The following CNTNAP2 variants were observed in gnomAD, a reference collection of about 807,000 sequenced individuals.
CNTNAP2 encodes contactin associated protein 2.
CNTNAP2 carries 98 observed loss-of-function variants against 155.2 expected under a neutral mutation model. The observed-to-expected ratio is 0.63, with a 90% CI of 0.54 to 0.75. The LOEUF is 0.75. Among genes scored for constraint, CNTNAP2 ranks in the 30% least tolerant of loss-of-function variants. The pLI, the probability that CNTNAP2 is intolerant of heterozygous loss-of-function variation, is 0.00. For missense variants in CNTNAP2, 1,727 were observed against 1,688.1 expected (o/e 1.02, Z -0.40); for synonymous variants, 651 against 631.2 (o/e 1.03, Z -0.47).
intron 13 of CNTNAP2, among the ~76,000 whole-genome samples, chr7:147,662,998 T>C (rs183054677): frequency 0.027 from 4,105 of 152,236 alleles, 79 homozygotes; most frequent in Middle Eastern, 0.11. Context: ...TTTGTTTGTT[T>C]GTTTGTTTGT....
At chr7:146,488,790 G>A (rs762713369) in intron 1 of CNTNAP2, among the ~76,000 whole-genome samples, 5 of 152,076 alleles carry the variant, frequency 3.3e-5, no homozygotes, top group African/African-American at 7.2e-5. Flanking sequence ...CACCACGCCT[G>A]GCTAGTTTTT....
chr7:148,404,524 T>C (rs1021383826), intron 22 of CNTNAP2, among the ~76,000 whole-genome samples: 2 of 152,168 alleles, frequency 1.3e-5, no homozygotes, highest in Admixed American at 6.5e-5. Context: ...CTCAAACCTT[T>C]TGCGGGACGG....
intron 14 of CNTNAP2, among the ~76,000 whole-genome samples, chr7:147,912,272 C>T (rs143836131): frequency 4.9e-4 from 75 of 152,268 alleles, no homozygotes; most frequent in East Asian, 2.3e-3. Context: ...CAATTACACC[C>T]AAGCACACAC....
At chr7:148,346,370 C>T (rs1444415952) in intron 21 of CNTNAP2, among the ~76,000 whole-genome samples, 3 of 152,056 alleles carry the variant, frequency 2.0e-5, no homozygotes, top group East Asian at 1.9e-4. Context: ...TATGATTACC[C>T]GTAACACATT....
chr7:148,063,708 T>G (rs1250823880), intron 15 of CNTNAP2, among the ~76,000 whole-genome samples: 2 of 152,026 alleles, frequency 1.3e-5, no homozygotes, highest in African/African-American at 4.8e-5. Context: ...TTACTTCTTT[T>G]GAGGTACAGA....
chr7:146,234,012 C>G lies in CNTNAP2; in HGVS notation c.97+117039C>G, dbSNP rs574447208. On this transcript the variant is annotated intron_variant, in intron 1 of 23. Coordinates refer to ENST00000361727, the MANE Select transcript of CNTNAP2 (RefSeq NM_014141.6). ...GGGATGGCTGGGTCAAATGGTATTT[C>G]TAGTTCTAGATCCCTGAGGAATCGC... Among the ~76,000 whole-genome samples the G allele has an allele frequency of 5.3e-3, 792 of 150,498 alleles. 6 individuals carry two copies. The highest frequency in any genetic ancestry group is 0.018 in the African/African-American group (748 of 41,010).
chr7:146,699,012 T>C (rs1228582075), intron 1 of CNTNAP2, among the ~76,000 whole-genome samples: 1 of 152,180 alleles, frequency 6.6e-6, no homozygotes, highest in East Asian at 1.9e-4. Context: ...GCATTACCTA[T>C]GTATTCTTTC....
intron 1 of CNTNAP2, among the ~76,000 whole-genome samples, chr7:146,359,740 T>C (rs1367423330): frequency 3.3e-5 from 5 of 152,132 alleles, no homozygotes; most frequent in African/African-American, 9.7e-5. Context: ...AATTCAAAAG[T>C]ATCCCAAGTG....
At chr7:146,909,924 T>G (rs1347244742) in intron 3 of CNTNAP2, among the ~76,000 whole-genome samples, 1 of 41,740 alleles carries the variant, frequency 2.4e-5, no homozygotes, top group East Asian at 4.0e-4. Context: ...CAGCCCAAAA[T>G]CTCCTTAAGC....
intron 2 of CNTNAP2, among the ~76,000 whole-genome samples, chr7:146,799,296 C>G (rs1802831996): frequency 6.6e-6 from 1 of 152,116 alleles, no homozygotes; most frequent in Non-Finnish European, 1.5e-5. Flanking sequence ...TAACCCATTT[C>G]ATACTGAAAG....
chr7:147,400,519 T>A (rs1174112784), intron 10 of CNTNAP2, among the ~76,000 whole-genome samples: 2 of 151,886 alleles, frequency 1.3e-5, no homozygotes, highest in African/African-American at 4.8e-5. Context: ...GTTTGACAAT[T>A]TTTTTTTCTG....
chr7:147,886,978 T>A (rs2116725143), intron 13 of CNTNAP2, among the ~76,000 whole-genome samples: 1 of 152,320 alleles, frequency 6.6e-6, no homozygotes, highest in Non-Finnish European at 1.5e-5. Flanking sequence ...GAATGTCACA[T>A]CCATGATACT....
chr7:146,808,678 A>C (rs1171975619), intron 2 of CNTNAP2, among the ~76,000 whole-genome samples: 1 of 152,196 alleles, frequency 6.6e-6, no homozygotes, highest in Admixed American at 6.5e-5. Context: ...ATCTAATTGG[A>C]AGTATACATG....
chr7:146,915,651 C>T (rs772381010), intron 3 of CNTNAP2, among the ~76,000 whole-genome samples: 2 of 152,080 alleles, frequency 1.3e-5, no homozygotes, highest in Non-Finnish European at 2.9e-5. Flanking sequence ...TATAGAGCTA[C>T]TGATTTTTGT....
intron 1 of CNTNAP2, among the ~76,000 whole-genome samples, chr7:146,367,035 T>TC (rs1303361227): frequency 6.6e-6 from 1 of 152,130 alleles, no homozygotes; most frequent in Non-Finnish European, 1.5e-5. Flanking sequence ...CCTTGAGAAA[T>TC]ATCAGTTAAA....
chr7:146,162,722 C>G (rs766444172), intron 1 of CNTNAP2, among the ~76,000 whole-genome samples: 1 of 152,044 alleles, frequency 6.6e-6, no homozygotes, highest in Non-Finnish European at 1.5e-5. Context: ...GTTTATTGCA[C>G]CACTATTCAC....
intron 12 of CNTNAP2, among the ~76,000 whole-genome samples, chr7:147,615,254 C>T (rs1470775304): frequency 1.5e-4 from 15 of 102,228 alleles, no homozygotes; most frequent in Non-Finnish European, 2.1e-4. Context: ...GCTTGGGTGA[C>T]GGAGAGGAGC....
chr7:146,496,986 A>G (rs992670111), intron 1 of CNTNAP2, among the ~76,000 whole-genome samples: 5 of 152,194 alleles, frequency 3.3e-5, no homozygotes, highest in African/African-American at 7.2e-5. Flanking sequence ...TGGAGTGGGC[A>G]TTAACCTCGA....
chr7:148,069,694 A>C (rs1722698908), intron 15 of CNTNAP2, among the ~76,000 whole-genome samples: 1 of 150,300 alleles, frequency 6.7e-6, no homozygotes, highest in African/African-American at 2.5e-5. Context: ...TGGGAGGCAG[A>C]GCTTGCAGTG....
Sources: gnomAD v4.1 joint callset for allele counts (sites outside exome capture counted in the v4.1 genomes callset) on GRCh38, gnomAD v4.1.1 for gene constraint, MANE v1.5 for transcripts, NCBI Gene and HGNC (gene_info 2026-07-23, HGNC 2026-07-21) for gene names.